SYNDIG1: variants seen among roughly 807,000 people sequenced by gnomAD.
The protein encoded by SYNDIG1 is synapse differentiation-inducing gene protein 1.
In SYNDIG1, 9 loss-of-function variants were observed where a neutral mutation model predicts 19.4. The ratio of observed to expected loss-of-function variants is 0.46; its 90% CI spans 0.28 to 0.81. SYNDIG1 has a LOEUF of 0.81. Among genes scored for constraint, SYNDIG1 ranks in the 30% least tolerant of loss-of-function variants. The probability of loss-of-function intolerance (pLI) is 0.12; values close to 1 mark genes in which losing one functional copy is unlikely to be tolerated. For missense variants in SYNDIG1, 311 were observed against 343.3 expected (o/e 0.91, Z 0.74); for synonymous variants, 141 against 145.9 (o/e 0.97, Z 0.24).
chr20:24,484,474 G>A (rs923563353), intron 1 of SYNDIG1, among the ~76,000 whole-genome samples: 26 of 152,290 alleles, frequency 1.7e-4, no homozygotes, highest in Admixed American at 1.1e-3. Flanking sequence ...TTCTGACCTA[G>A]CCTCAGAGGT....
At chr20:24,623,322 G>T (rs796253456) in intron 3 of SYNDIG1, among the ~76,000 whole-genome samples, 5 of 152,256 alleles carry the variant, frequency 3.3e-5, no homozygotes, top group African/African-American at 1.2e-4. Flanking sequence ...AAAAGTCAAG[G>T]ATAAAATAGA....
chr20:24,519,499 G>C (rs1468856210), intron 1 of SYNDIG1, among the ~76,000 whole-genome samples: 1 of 152,168 alleles, frequency 6.6e-6, no homozygotes, highest in Non-Finnish European at 1.5e-5. Flanking sequence ...GATCATTTAT[G>C]ATGTGAATGA....
intron 2 of SYNDIG1, among the ~76,000 whole-genome samples, chr20:24,557,303 C>A (rs11906564): frequency 0.016 from 2,426 of 152,310 alleles, 28 homozygotes; most frequent in African/African-American, 0.036. Context: ...CTTCTCTCGA[C>A]TCGTCAAAGT....
At position 24,654,595 on chromosome 20, in the gene SYNDIG1, GAGAA is replaced by G. The variant is rs1047128271; in HGVS notation, c.619-10744_619-10741del. 1.2e-4 allele frequency among the ~76,000 whole-genome samples: 18 copies of G among 145,418 alleles called. No homozygotes were observed. The East Asian group carries it at 4.1e-3, about 33-fold the overall frequency. ...AGCAAGCAAGAGAAAGGAAGACAGAGAGAAAGAAAGGAGAGAAGGAAGAGAGGGA... is the reference window on the plus strand; with the variant it reads ...AGCAAGCAAGAGAAAGGAAGACAGAGAGAAAGGAGAGAAGGAAGAGAGGGA... On this transcript the variant is annotated intron_variant, in intron 3 of 3. Coordinates refer to ENST00000376862, the MANE Select transcript of SYNDIG1 (RefSeq NM_024893.3).
At chr20:24,523,334 G>A (rs896207617) in intron 1 of SYNDIG1, among the ~76,000 whole-genome samples, 2 of 152,180 alleles carry the variant, frequency 1.3e-5, no homozygotes, top group African/African-American at 4.8e-5. Flanking sequence ...CGATGCTTGG[G>A]ATTTAGGAGA....
Position 24,492,643 on chromosome 20 carries a change from G to A in SYNDIG1, c.-79+22890G>A, listed in dbSNP as rs921875506. On this transcript the variant is annotated intron_variant, in intron 1 of 3. Transcript: ENST00000376862. Reference sequence around the variant, plus strand: ...GATCCTTAGTGCAGTCCCCACAACCGCCCCCTCCACCCCTCCTTCCCCCGC... The same window carrying A: ...GATCCTTAGTGCAGTCCCCACAACCACCCCCTCCACCCCTCCTTCCCCCGC... Among the ~76,000 whole-genome samples, 13 of 152,134 alleles carry A rather than the reference G, an allele frequency of 8.5e-5. 1 individual carries two copies. The highest frequency in any genetic ancestry group is 7.8e-4 in the East Asian group (4 of 5,160).
chr20:24,632,546 CACACCTAATTTAATAATA>C (rs1437899797), intron 3 of SYNDIG1, among the ~76,000 whole-genome samples: 12 of 152,144 alleles, frequency 7.9e-5, no homozygotes, highest in African/African-American at 2.7e-4. Flanking sequence ...GGCCAGAGTT[CACACCTAATTTAATAATA>C]ACACCAGTGA....
At chr20:24,620,824 A>G (rs1568691239) in intron 3 of SYNDIG1, among the ~76,000 whole-genome samples, 3 of 152,252 alleles carry the variant, frequency 2.0e-5, no homozygotes, top group Non-Finnish European at 4.4e-5. Context: ...TTGTTTTCCT[A>G]AATACTTTAT....
At chr20:24,583,584 C>T (rs1339550464) in intron 2 of SYNDIG1, among the ~76,000 whole-genome samples, 2 of 152,170 alleles carry the variant, frequency 1.3e-5, no homozygotes, top group East Asian at 3.9e-4. Flanking sequence ...TGTGAGGGCT[C>T]CGTATTTTGA....
At chr20:24,624,223 T>C (rs1382213867) in intron 3 of SYNDIG1, among the ~76,000 whole-genome samples, 2 of 130,528 alleles carry the variant, frequency 1.5e-5, no homozygotes, top group African/African-American at 3.0e-5. Context: ...GCCACTGCAA[T>C]CCAGCCCGGG....
At chr20:24,500,125 G>A (rs1248065604) in intron 1 of SYNDIG1, among the ~76,000 whole-genome samples, 2 of 151,896 alleles carry the variant, frequency 1.3e-5, no homozygotes, top group African/African-American at 2.4e-5. Flanking sequence ...GTTTCTGTGC[G>A]TCTGTGTCGA....
chr20:24,654,653 GAA>G (rs1367940988), intron 3 of SYNDIG1, among the ~76,000 whole-genome samples: 14 of 79,226 alleles, frequency 1.8e-4, no homozygotes, highest in South Asian at 7.9e-4. Context: ...AGGGAGGGAG[GAA>G]GGAAGGAAGG....
intron 3 of SYNDIG1, among the ~76,000 whole-genome samples, chr20:24,640,757 G>C (rs1013717536): frequency 6.6e-6 from 1 of 152,108 alleles, no homozygotes; most frequent in Non-Finnish European, 1.5e-5. Context: ...AGTCCTAGGG[G>C]TGCTTCTGCA....
chr20:24,633,114 C>T (rs1218377288), intron 3 of SYNDIG1, among the ~76,000 whole-genome samples: 4 of 152,128 alleles, frequency 2.6e-5, no homozygotes, highest in Non-Finnish European at 4.4e-5. Context: ...CTGAACATGA[C>T]GTGGCTTGCT....
chr20:24,575,913 G>T (rs1261144260), intron 2 of SYNDIG1, among the ~76,000 whole-genome samples: 1 of 152,182 alleles, frequency 6.6e-6, no homozygotes, highest in Non-Finnish European at 1.5e-5. Context: ...GCCTGGGCAG[G>T]TTCAGGGACT....
intron 1 of SYNDIG1, among the ~76,000 whole-genome samples, chr20:24,520,720 T>C (rs1400366429): frequency 1.3e-5 from 2 of 151,988 alleles, no homozygotes; most frequent in Non-Finnish European, 2.9e-5. Context: ...TACAGTAAGT[T>C]CAAAGGTACT....
intron 3 of SYNDIG1, among the ~76,000 whole-genome samples, chr20:24,617,921 G>A (rs1276085014): frequency 1.3e-5 from 2 of 148,188 alleles, no homozygotes; most frequent in African/African-American, 2.5e-5. Flanking sequence ...TGGAGAAGCG[G>A]GAGAGCCCGG....
intron 2 of SYNDIG1, among the ~76,000 whole-genome samples, chr20:24,556,578 G>A (rs1048656023): frequency 3.9e-4 from 60 of 152,186 alleles, no homozygotes; most frequent in African/African-American, 1.1e-3. Context: ...TTAGTTTGGC[G>A]GGATATGAAT....
chr20:24,484,633 T>C (rs1305890112), intron 1 of SYNDIG1, among the ~76,000 whole-genome samples: 2 of 152,176 alleles, frequency 1.3e-5, no homozygotes, highest in Admixed American at 1.3e-4. Flanking sequence ...GAAGTAGTGT[T>C]GTGTCCACCT....
Sources: allele counts gnomAD v4.1 joint callset (sites outside exome capture counted in the v4.1 genomes callset), GRCh38; gene constraint gnomAD v4.1.1; transcripts MANE v1.5; gene names NCBI Gene and HGNC (gene_info 2026-07-23, HGNC 2026-07-21).